Variants in EXOC4 observed in about 807,000 individuals in gnomAD.
EXOC4 encodes exocyst complex component 4.
A neutral mutation model predicts 107.2 loss-of-function variants in EXOC4; 71 were observed. That is an observed-to-expected ratio of 0.66 (90% confidence interval 0.55 to 0.81). The LOEUF is 0.81. Ranked by LOEUF, EXOC4 falls within the 30% of genes least tolerant of loss-of-function variation. The pLI is 0.00. For missense variants in EXOC4, 1,108 were observed against 1,189.6 expected (o/e 0.93, Z 1.01); for synonymous variants, 456 against 441.2 (o/e 1.03, Z -0.42).
chr7:133,493,190 C>T (rs571792261), intron 9 of EXOC4, among the ~76,000 whole-genome samples: 3 of 152,184 alleles, frequency 2.0e-5, no homozygotes, highest in Non-Finnish European at 2.9e-5. Context: ...TTTGGGAGGC[C>T]GAGGTGGGTG....
At chr7:134,025,707 A>C (rs1795124103) in intron 17 of EXOC4, among the ~76,000 whole-genome samples, 1 of 152,138 alleles carries the variant, frequency 6.6e-6, no homozygotes, top group African/African-American at 2.4e-5. Flanking sequence ...CTCTCCATGT[A>C]GATTTTCCAT....
intron 8 of EXOC4, among the ~76,000 whole-genome samples, chr7:133,477,941 G>C (rs950927055): frequency 6.6e-6 from 1 of 152,108 alleles, no homozygotes; most frequent in Non-Finnish European, 1.5e-5. Context: ...TCTCTCTGGT[G>C]CTAGGTTTCC....
the EXOC4 span, among the ~76,000 whole-genome samples, chr7:134,086,128 G>A: frequency 6.6e-6 from 1 of 152,196 alleles, no homozygotes; most frequent in Non-Finnish European, 1.5e-5. Context: ...AGTTAACTGA[G>A]TAGGACTTCA....
Position 133,475,471 on chromosome 7 carries a change from C to T in EXOC4, c.1326C>T (p.Phe442=), listed in dbSNP as rs1563079815. The change falls in exon 8 of 18, where the codon TTC becomes TTT. Residue 442 remains phenylalanine (F), a splice_region_variant and synonymous_variant. Transcript: ENST00000253861. The part of the protein sequence containing the change: ...KKPQRPKNSL[F]KFESSSHAIS... ...CTCAAAGGCCAAAAAATTCTCTTTT[C>T]AAGTAAGTATTATTCTGCTGTTAAT... 1.2e-6 allele frequency: 2 copies of T among 1,613,730 alleles called. No individual in the cohort carries two copies. The highest frequency in any genetic ancestry group is 1.7e-5 in the Admixed American group (1 of 59,978).
chr7:133,415,922 A>G (rs1357779392), intron 7 of EXOC4, among the ~76,000 whole-genome samples: 1 of 152,192 alleles, frequency 6.6e-6, no homozygotes, highest in Non-Finnish European at 1.5e-5. Flanking sequence ...AGATCTGACA[A>G]ACGGGAAGTA....
chr7:133,335,679 A>G (rs539740546), intron 5 of EXOC4, among the ~76,000 whole-genome samples: 3 of 152,230 alleles, frequency 2.0e-5, no homozygotes, highest in East Asian at 1.9e-4. Flanking sequence ...CCTGCTTTCA[A>G]TTCTTCTTAA....
the EXOC4 span, among the ~76,000 whole-genome samples, chr7:134,075,089 C>G: frequency 2.0e-5 from 3 of 152,192 alleles, no homozygotes; most frequent in Non-Finnish European, 4.4e-5. Flanking sequence ...GAAAACTAGC[C>G]AAGGCAAACC....
chr7:133,739,182 G>C (rs1303556404), intron 10 of EXOC4, among the ~76,000 whole-genome samples: 1 of 151,414 alleles, frequency 6.6e-6, no homozygotes, highest in African/African-American at 2.4e-5. Context: ...GAAGTTTATC[G>C]TGACATCTAC....
intron 17 of EXOC4, among the ~76,000 whole-genome samples, chr7:134,058,409 A>G (rs1303673731): frequency 6.6e-6 from 1 of 152,208 alleles, no homozygotes; most frequent in Non-Finnish European, 1.5e-5. Flanking sequence ...GGGACAGTCA[A>G]CTTTTGGAAA....
intron 11 of EXOC4, among the ~76,000 whole-genome samples, chr7:133,827,132 G>A (rs1460851348): frequency 2.0e-5 from 3 of 152,160 alleles, no homozygotes; most frequent in African/African-American, 4.8e-5. Context: ...TTCACATAGT[G>A]TCATGGAATA....
intron 5 of EXOC4, among the ~76,000 whole-genome samples, chr7:133,354,532 T>C (rs768556110): frequency 7.9e-5 from 12 of 152,148 alleles, no homozygotes; most frequent in Non-Finnish European, 1.6e-4. Context: ...ATAAAGGCAG[T>C]AGGGGAAGGC....
chr7:133,570,013 C>T (rs1410916299), intron 9 of EXOC4, among the ~76,000 whole-genome samples: 1 of 152,200 alleles, frequency 6.6e-6, no homozygotes, highest in Non-Finnish European at 1.5e-5. Context: ...TGCCTAGCCC[C>T]TTCTGTACCA....
chr7:133,281,619 T>G (rs895155426), intron 2 of EXOC4, among the ~76,000 whole-genome samples: 1 of 152,118 alleles, frequency 6.6e-6, no homozygotes, highest in Non-Finnish European at 1.5e-5. Context: ...ATTGTTGTAT[T>G]CTATTACAGA....
intron 14 of EXOC4, among the ~76,000 whole-genome samples, chr7:133,983,291 G>T (rs936610316): frequency 2.6e-5 from 4 of 152,138 alleles, no homozygotes; most frequent in African/African-American, 9.7e-5. Flanking sequence ...TCAACATGAG[G>T]TTTAGAGAGG....
chr7:133,964,677 T>C (rs1801022699), intron 14 of EXOC4, among the ~76,000 whole-genome samples: 1 of 152,162 alleles, frequency 6.6e-6, no homozygotes, highest in Non-Finnish European at 1.5e-5. Context: ...TTTATGTCTG[T>C]GTAGTATTCC....
chr7:133,848,500 A>G (rs552444493), intron 11 of EXOC4, among the ~76,000 whole-genome samples: 2 of 152,350 alleles, frequency 1.3e-5, no homozygotes, highest in African/African-American at 4.8e-5. Context: ...TAAAAGGACA[A>G]CTGTGGAAGG....
At chr7:134,023,874 C>T (rs759757597) in intron 17 of EXOC4, among the ~76,000 whole-genome samples, 1 of 152,046 alleles carries the variant, frequency 6.6e-6, no homozygotes, top group Non-Finnish European at 1.5e-5. Context: ...CAAAAGAAGA[C>T]CCAAGAAGAT....
intron 10 of EXOC4, among the ~76,000 whole-genome samples, chr7:133,801,942 A>C (rs1173949704): frequency 6.6e-6 from 1 of 152,224 alleles, no homozygotes; most frequent in African/African-American, 2.4e-5. Context: ...AAAACTGTTC[A>C]GGATATAGTA....
chr7:133,389,120 G>A (rs908165133), intron 7 of EXOC4, among the ~76,000 whole-genome samples: 6 of 152,110 alleles, frequency 3.9e-5, no homozygotes, highest in African/African-American at 1.4e-4. Context: ...AAATGAATTG[G>A]TAGAGGAGAA....
Sources: allele counts gnomAD v4.1 joint callset (sites outside exome capture counted in the v4.1 genomes callset), GRCh38; gene constraint gnomAD v4.1.1; transcripts MANE v1.5; gene names NCBI Gene and HGNC (gene_info 2026-07-23, HGNC 2026-07-21).